EXOSC10: variants seen among roughly 807,000 people sequenced by gnomAD.
The protein encoded by EXOSC10 is exosome complex component 10.
EXOSC10 carries 94 observed loss-of-function variants against 126.6 expected under a neutral mutation model. That is an observed-to-expected ratio of 0.74 (90% CI 0.63 to 0.88). The LOEUF is 0.88. EXOSC10 is among the 40% of genes least tolerant of loss of function. The pLI is 0.00. For missense variants in EXOSC10, 1,041 were observed against 1,100.5 expected (o/e 0.95, Z 0.77); for synonymous variants, 395 against 400.8 (o/e 0.99, Z 0.17).
chr1:11,088,079 T>C, intron 7 of EXOSC10, 44 bp downstream of exon 7: 1 of 1,483,268 alleles, frequency 6.7e-7, no homozygotes, highest in Non-Finnish European at 9.3e-7. Context: ...TTGATTCCTC[T>C]TGGGCTACTA....
At chr1:11,070,863 G>A (rs989953105) in intron 21 of EXOSC10, 37 bp downstream of exon 21, 6 of 1,580,986 alleles carry the variant, frequency 3.8e-6, no homozygotes, top group East Asian at 4.5e-5. Flanking sequence ...CAGGGGCATC[G>A]TTTTTCAAAG....
chr1:11,073,419 A>G (rs1471838037), intron 19 of EXOSC10, among the ~76,000 whole-genome samples: 1 of 152,112 alleles, frequency 6.6e-6, no homozygotes, highest in Non-Finnish European at 1.5e-5. Context: ...GGCGTGAGCC[A>G]CCATGCCCAG....
chr1:11,082,483 A>C, intron 10 of EXOSC10: 1 of 1,280,184 alleles, frequency 7.8e-7, no homozygotes, highest in Non-Finnish European at 1.0e-6. Flanking sequence ...AACACAGTGT[A>C]ACTGCATCAG....
chr1:11,088,052 T>A, intron 7 of EXOSC10, 71 bp downstream of exon 7: 1 of 1,358,056 alleles, frequency 7.4e-7, no homozygotes, highest in Non-Finnish European at 1.0e-6. Context: ...CAAAATTGCA[T>A]CAATGAATCT....
chr1:11,086,181 G>C (rs1329927304), intron 9 of EXOSC10, among the ~76,000 whole-genome samples: 2 of 151,750 alleles, frequency 1.3e-5, no homozygotes, highest in Admixed American at 1.3e-4. Context: ...GATTGGAATA[G>C]TTTCAGAAGG....
At chr1:11,070,825 G>C (rs1388895161) in intron 21 of EXOSC10, 75 bp downstream of exon 21, 5 of 1,329,096 alleles carry the variant, frequency 3.8e-6, no homozygotes, top group Non-Finnish European at 4.3e-6. Context: ...AGCCCCCTAA[G>C]ATATCCAAGG....
At chr1:11,081,005 A>G in intron 11 of EXOSC10, 77 bp downstream of exon 11, 1 of 1,587,640 alleles carries the variant, frequency 6.3e-7, no homozygotes, top group Non-Finnish European at 8.6e-7. Flanking sequence ...GAATGTAAGG[A>G]GCAAACCTAA....
intron 3 of EXOSC10, among the ~76,000 whole-genome samples, chr1:11,092,710 G>C (rs544817725): frequency 6.6e-6 from 1 of 151,832 alleles, no homozygotes; most frequent in Non-Finnish European, 1.5e-5. Flanking sequence ...GTAGAGATGG[G>C]GTTTCACTAT....
At chr1:11,090,530 A>T (rs376433601) in intron 6 of EXOSC10, 24 bp downstream of exon 6, 12 of 1,586,334 alleles carry the variant, frequency 7.6e-6, no homozygotes, top group African/African-American at 1.3e-5. Flanking sequence ...CACGGCAGAA[A>T]GTCAGACACA....
intron 17 of EXOSC10, among the ~76,000 whole-genome samples, chr1:11,076,034 G>A (rs953931562): frequency 4.0e-5 from 6 of 151,644 alleles, no homozygotes; most frequent in Non-Finnish European, 7.4e-5. Flanking sequence ...GTATGGTGGC[G>A]GGCGCCTGCA....
At chr1:11,081,802 G>A (rs1640180742) in intron 10 of EXOSC10, among the ~76,000 whole-genome samples, 1 of 151,774 alleles carries the variant, frequency 6.6e-6, no homozygotes, top group Admixed American at 6.6e-5. Flanking sequence ...GGCATTCTGG[G>A]CCAGGCGCGG....
chr1:11,094,387 C>T (rs368937886), intron 3 of EXOSC10, among the ~76,000 whole-genome samples: 2 of 151,634 alleles, frequency 1.3e-5, no homozygotes, highest in South Asian at 2.1e-4. Context: ...CTCTGCCTCA[C>T]GAGTTCAAGC....
chr1:11,092,587 A>T (rs1640867385), intron 3 of EXOSC10, among the ~76,000 whole-genome samples: 1 of 144,078 alleles, frequency 6.9e-6, no homozygotes, highest in East Asian at 2.1e-4. Context: ...GTCCAATCTC[A>T]GCTTGCTGCA....
chr1:11,090,111 C>T (rs1640719893), intron 6 of EXOSC10, among the ~76,000 whole-genome samples: 1 of 151,834 alleles, frequency 6.6e-6, no homozygotes, highest in South Asian at 2.1e-4. Context: ...GATTCTCCTG[C>T]CTCAGCCTCC....
chr1:11,091,255 T>C, intron 4 of EXOSC10, 76 bp from the exon 5 acceptor site: 1 of 1,401,552 alleles, frequency 7.1e-7, no homozygotes, highest in Admixed American at 2.0e-5. Flanking sequence ...ATTTATGACT[T>C]CTGAGGAGAC....
intron 3 of EXOSC10, chr1:11,095,524 T>C (rs1278804115): frequency 8.7e-6 from 3 of 346,012 alleles, no homozygotes; most frequent in Non-Finnish European, 1.7e-5. Context: ...CCATCCTGGC[T>C]AACACGGTGA....
chr1:11,083,130 G>A (rs1005837919), intron 9 of EXOSC10, among the ~76,000 whole-genome samples: 2 of 152,176 alleles, frequency 1.3e-5, no homozygotes, highest in East Asian at 3.9e-4. Context: ...GGTATTTTTT[G>A]TAGAGACGGG....
intron 9 of EXOSC10, among the ~76,000 whole-genome samples, chr1:11,087,148 A>C (rs1236461823): frequency 6.6e-6 from 1 of 152,216 alleles, no homozygotes; most frequent in African/African-American, 2.4e-5. Context: ...CCAATGAGAC[A>C]CATGAAAGCA....
chr1:11,083,862 G>C (rs1277994029), intron 9 of EXOSC10, among the ~76,000 whole-genome samples: 4 of 151,864 alleles, frequency 2.6e-5, no homozygotes, highest in African/African-American at 9.7e-5. Context: ...CCACCTATGA[G>C]TGAGAATATG....
Sources: allele counts gnomAD v4.1 joint callset (sites outside exome capture counted in the v4.1 genomes callset), GRCh38; gene constraint gnomAD v4.1.1; transcripts MANE v1.5; gene names NCBI Gene and HGNC (gene_info 2026-07-23, HGNC 2026-07-21).